Variants in EIF2B1 observed in about 807,000 individuals in gnomAD.
EIF2B1 encodes the protein translation initiation factor eIF2B subunit alpha.
EIF2B1 carries 30 observed loss-of-function variants against 36.8 expected under a neutral mutation model. The ratio of observed to expected loss-of-function variants is 0.81; its 90% confidence interval spans 0.61 to 1.10. EIF2B1 has a LOEUF of 1.10. EIF2B1 is among the 50% of genes least tolerant of loss of function. The pLI, the probability that EIF2B1 is intolerant of heterozygous loss-of-function variation, is 0.00. For missense variants in EIF2B1, 271 were observed against 374.8 expected (o/e 0.72, Z 2.29); for synonymous variants, 139 against 142.2 (o/e 0.98, Z 0.16).
intron 8 of EIF2B1, among the ~76,000 whole-genome samples, chr12:123,622,366 G>A (rs558011977): frequency 1.3e-5 from 2 of 152,306 alleles, no homozygotes; most frequent in Admixed American, 6.5e-5. Context: ...TTGTGGTGAT[G>A]GGAGCTGAGC....
Position 123,620,612 on chromosome 12 carries a change from A to AT in EIF2B1, c.*1143dup, listed in dbSNP as rs1955067098. 1 of 75,006 alleles carries AT rather than the reference A, an allele frequency of 1.3e-5. No homozygotes were observed. The highest frequency in any genetic ancestry group is 2.7e-4 in the East Asian group (1 of 3,708). 4.6% of individuals were successfully genotyped at this position (75,006 alleles called of 1,614,324 possible). On this transcript the variant is annotated 3_prime_UTR_variant, in exon 9 of 9. Coordinates refer to ENST00000424014, the MANE Select transcript of EIF2B1 (RefSeq NM_001414.4). ...TATATATATATATATATATATATAT[A>AT]TATATATATATATATAAGCTCTTTT...
chr12:123,626,259 C>A, intron 6 of EIF2B1, 166 bp downstream of exon 6: 1 of 744,612 alleles, frequency 1.3e-6, no homozygotes, highest in Non-Finnish European at 2.3e-6. Flanking sequence ...TGTATGCTAT[C>A]ACAACCTCAT....
Position 123,630,280 on chromosome 12 carries a change from G to A in EIF2B1, c.258C>T (p.Tyr86=). The change falls in exon 4 of 9, where the codon TAC becomes TAT. Residue 86 remains tyrosine (Y), a synonymous_variant. Transcript: ENST00000424014. The surrounding 1 kb of genome is among the most constrained non-coding windows in gnomAD (Gnocchi z 4.6). ...CAATCATGATCTTTTTACATTTGGA[G>A]TAATCCTAGGAAGAAAAGAGCAAAC... ...ISLASLEYSD[Y]SKCKKIMIER... 1 of 1,614,066 alleles carries A rather than the reference G, an allele frequency of 6.2e-7. No homozygotes were observed. The highest frequency in any genetic ancestry group is 8.5e-7 in the Non-Finnish European group (1 of 1,179,982).
intron 7 of EIF2B1, among the ~76,000 whole-genome samples, 179 bp downstream of exon 7, chr12:123,624,608 T>C (rs1186307862): frequency 6.6e-6 from 1 of 152,158 alleles, no homozygotes; most frequent in East Asian, 1.9e-4. Context: ...AAGATTTGAC[T>C]GAAACTGGAC....
At chr12:123,623,721 G>A (rs1200474685) in intron 7 of EIF2B1, among the ~76,000 whole-genome samples, 1 of 152,068 alleles carries the variant, frequency 6.6e-6, no homozygotes, top group Non-Finnish European at 1.5e-5. Flanking sequence ...TGATCTACCT[G>A]CCTCAGCCTC....
At position 123,630,131 on chromosome 12, in the gene EIF2B1, G is replaced by A. The variant is rs541360450; in HGVS notation, c.369+38C>T. ...ACCCCAGGCAGTCGGACTCGAAACC[G>A]TTGCTCCTCCTTACCACCATGATGA... On this transcript the variant is annotated intron_variant, in intron 4 of 8. Coordinates refer to ENST00000424014, the MANE Select transcript of EIF2B1 (RefSeq NM_001414.4). This position sits in a 1 kb window ranked among gnomAD's most constrained non-coding sequence, Gnocchi z 4.6. 22 of 1,588,466 alleles carry A rather than the reference G, an allele frequency of 1.4e-5. No individual in the cohort carries two copies. The highest frequency in any genetic ancestry group is 1.1e-4 in the African/African-American group (8 of 74,552).
intron 2 of EIF2B1, among the ~76,000 whole-genome samples, chr12:123,631,044 T>A (rs1209872399): frequency 6.6e-6 from 1 of 152,234 alleles, no homozygotes; most frequent in East Asian, 1.9e-4. Flanking sequence ...GGTGCTGAAT[T>A]AGGGGATCAC....
intron 1 of EIF2B1, among the ~76,000 whole-genome samples, chr12:123,632,657 C>A (rs542901645): frequency 2.0e-5 from 3 of 152,242 alleles, no homozygotes; most frequent in Admixed American, 2.0e-4. Context: ...TTTGAAAAAG[C>A]TACTGGTGGC....
chr12:123,633,460 G>C (rs1422732687), intron 1 of EIF2B1, 85 bp downstream of exon 1: 1 of 1,581,958 alleles, frequency 6.3e-7, no homozygotes, highest in African/African-American at 1.3e-5. Context: ...AAATCTCTTC[G>C]GGAGCTCAGC....
intron 1 of EIF2B1, 26 bp from the exon 2 acceptor site, chr12:123,632,472 A>G (rs1397393406): frequency 1.3e-6 from 2 of 1,508,136 alleles, no homozygotes; most frequent in Non-Finnish European, 1.8e-6. Context: ...AAAGTGATTC[A>G]CCTAATTCAT....
chr12:123,626,192 C>CAT, intron 6 of EIF2B1: 1 of 563,962 alleles, frequency 1.8e-6, no homozygotes, highest in Non-Finnish European at 3.2e-6. Flanking sequence ...CACTTACAGC[C>CAT]ATAAAGCTAT....
At chr12:123,631,590 C>T (rs980492625) in intron 2 of EIF2B1, among the ~76,000 whole-genome samples, 6 of 151,938 alleles carry the variant, frequency 3.9e-5, no homozygotes, top group Admixed American at 6.6e-5. Flanking sequence ...GGGCGGATCA[C>T]GAGGTCAGGA....
intron 5 of EIF2B1, 125 bp from the exon 6 acceptor site, chr12:123,626,618 G>T: frequency 9.1e-7 from 1 of 1,094,836 alleles, no homozygotes. Flanking sequence ...TTAAGGGGCA[G>T]ATCCCAATAC....
intron 1 of EIF2B1, among the ~76,000 whole-genome samples, chr12:123,632,857 A>T (rs1006324790): frequency 2.0e-5 from 3 of 149,738 alleles, no homozygotes; most frequent in African/African-American, 7.4e-5. Context: ...GAGGCAGGAG[A>T]ATGGCGTGAA....
intron 6 of EIF2B1, 133 bp from the exon 7 acceptor site, chr12:123,624,995 C>T (rs1955137640): frequency 1.3e-6 from 1 of 775,644 alleles, no homozygotes; most frequent in Non-Finnish European, 2.2e-6. Context: ...TTAAAGCGCA[C>T]TTAACACGCG....
Position 123,621,378 on chromosome 12 carries a change from G to A in EIF2B1, c.*378C>T, listed in dbSNP as rs1050448. 95,289 of 341,188 alleles carry A rather than the reference G, an allele frequency of 0.28. 14,422 individuals are homozygous for A. Among genetic ancestry groups the A allele is most frequent in the African/African-American group, 0.36 (17,007 of 46,608 alleles). 21.1% of individuals were successfully genotyped at this position (341,188 alleles called of 1,614,324 possible). ...TGTTGGTCATTTGTGGCAGAGGGGT[G>A]TGGCTGCTTTTCGCCTGCATCTCGC... On this transcript the variant is annotated 3_prime_UTR_variant, in exon 9 of 9. Transcript: ENST00000424014.
chr12:123,632,896 A>G (rs529685127), intron 1 of EIF2B1, among the ~76,000 whole-genome samples: 1 of 145,288 alleles, frequency 6.9e-6, no homozygotes, highest in East Asian at 2.1e-4. Flanking sequence ...CAGTGAGCCG[A>G]GACTGCGCCA....
rs781497374 is a variant in EIF2B1 at position 123,633,581 on chromosome 12, C to T, written c.-24G>A. The T allele has an allele frequency of 1.2e-6, 2 of 1,608,834 alleles. No individual in the cohort carries two copies. Among genetic ancestry groups the T allele is most frequent in the Admixed American group, 1.7e-5 (1 of 60,026 alleles). On this transcript the variant is annotated 5_prime_UTR_variant, in exon 1 of 9. Transcript: ENST00000424014. The stretch of plus-strand genomic sequence containing the variant: ...ATGGCGTCCTCCTGCTGCGGAGCCC[C>T]AGGGGACCCGAGCCGCCCGCGCTGT...
In EIF2B1 at chr12:123,621,431, C is replaced by G; in HGVS notation, c.*325G>C. The G allele has an allele frequency of 2.6e-6, 1 of 382,194 alleles. No homozygotes were observed. The highest frequency in any genetic ancestry group is 5.0e-6 in the Non-Finnish European group (1 of 199,232). 23.7% of individuals were successfully genotyped at this position (382,194 alleles called of 1,614,324 possible). ...GCTTTAGGCAGATCAGTCTGGAGTGCAGGGGAGGATGAAGACAGGTGGACT... is the reference window on the plus strand; with the variant it reads ...GCTTTAGGCAGATCAGTCTGGAGTGGAGGGGAGGATGAAGACAGGTGGACT... On this transcript the variant is annotated 3_prime_UTR_variant, in exon 9 of 9. Transcript: ENST00000424014.
Sources: allele counts gnomAD v4.1 joint callset (sites outside exome capture counted in the v4.1 genomes callset), GRCh38; gene constraint gnomAD v4.1.1; non-coding constraint Gnocchi (gnomAD v3.1); transcripts MANE v1.5; gene names NCBI Gene and HGNC (gene_info 2026-07-23, HGNC 2026-07-21).